HSF2: variants seen among roughly 807,000 people sequenced by gnomAD.
HSF2 encodes heat shock transcription factor 2, also known as heat shock factor protein 2.
HSF2 carries 21 observed loss-of-function variants against 65.0 expected under a neutral mutation model. The ratio of observed to expected loss-of-function variants is 0.32; its 90% CI spans 0.23 to 0.47. The LOEUF (loss-of-function observed/expected upper bound fraction) is 0.47. Ranked by LOEUF, HSF2 falls within the 20% of genes least tolerant of loss-of-function variation. HSF2 has a pLI of 1.00. For synonymous variants in HSF2, 225 were observed against 219.1 expected (o/e 1.03, Z -0.24); for missense variants, 499 against 628.1 (o/e 0.79, Z 2.20).
intron 11 of HSF2, among the ~76,000 whole-genome samples, chr6:122,430,500 T>G (rs1774438112): frequency 1.3e-5 from 2 of 152,164 alleles, no homozygotes; most frequent in South Asian, 4.1e-4. Flanking sequence ...GTTTATATAT[T>G]TATTGTGAAT....
chr6:122,405,281 AG>A (rs2114420906), intron 1 of HSF2, among the ~76,000 whole-genome samples: 1 of 151,824 alleles, frequency 6.6e-6, no homozygotes, highest in South Asian at 2.1e-4. Flanking sequence ...AAAAAGTAAA[AG>A]CAAGCAAAAC....
At chr6:122,399,552 C>T (rs994807264), upstream of HSF2, 3 of 564,262 alleles carry the variant, frequency 5.3e-6, no homozygotes, top group Non-Finnish European at 9.3e-6. Context: ...AGCGCGGAGA[C>T]TTGTCCGTCA....
At chr6:122,404,893 A>T (rs1285560246) in intron 1 of HSF2, among the ~76,000 whole-genome samples, 1 of 152,232 alleles carries the variant, frequency 6.6e-6, no homozygotes, top group African/African-American at 2.4e-5. Context: ...TGTGAGAGAG[A>T]GTGAGCACAG....
chr6:122,420,088 T>C, intron 6 of HSF2, 47 bp from the exon 7 acceptor site: 1 of 1,548,272 alleles, frequency 6.5e-7, no homozygotes, highest in Non-Finnish European at 8.7e-7. Context: ...GAGTTTAAAT[T>C]CATTGTATGT....
intron 1 of HSF2, among the ~76,000 whole-genome samples, chr6:122,403,946 A>G (rs1773802182): frequency 6.6e-6 from 1 of 152,240 alleles, no homozygotes; most frequent in Admixed American, 6.5e-5. Flanking sequence ...TTACGAGTTA[A>G]TGAAATGTTA....
rs1774466186 is a variant in HSF2 at position 122,431,459 on chromosome 6, G to T, written c.1260G>T (p.Lys420Asn). 1 of 1,583,298 alleles carries T rather than the reference G, an allele frequency of 6.3e-7. No homozygotes were observed. The highest frequency in any genetic ancestry group is 1.1e-5 in the South Asian group (1 of 87,172). Residue 420 changes from lysine to asparagine, a missense_variant, in exon 12 of 13, where the codon AAG (lysine) becomes AAT (asparagine). Lys to Asn is a moderately conservative substitution (Grantham distance 94). Coordinates refer to ENST00000368455, the MANE Select transcript of HSF2 (RefSeq NM_004506.4). ...AGAATAAAGGATTAGAAACTACCAA[G>T]AACAATGTAGTTCAGCCAGTTTCGG... ...KSENKGLETT[K>N]NNVVQPVSEE... is the part of the protein sequence containing the mutation.
intron 5 of HSF2, among the ~76,000 whole-genome samples, chr6:122,417,468 C>G (rs1774151071): frequency 6.6e-6 from 1 of 151,944 alleles, no homozygotes; most frequent in Admixed American, 6.6e-5. Flanking sequence ...TGAATGCTAA[C>G]ATTCTGTCTG....
intron 5 of HSF2, among the ~76,000 whole-genome samples, chr6:122,418,252 T>C (rs781231860): frequency 1.3e-4 from 20 of 152,186 alleles, no homozygotes; most frequent in Non-Finnish European, 2.9e-4. Flanking sequence ...CTTTAGGAAG[T>C]TGGCAATGTA....
At chr6:122,416,693 TAAATGAC>T (rs539367813) in intron 5 of HSF2, among the ~76,000 whole-genome samples, 12 of 152,226 alleles carry the variant, frequency 7.9e-5, no homozygotes, top group Non-Finnish European at 1.2e-4. Flanking sequence ...TCTCAGAAGA[TAAATGAC>T]AAATATTTTC....
At chr6:122,413,478 A>C (rs535786927) in intron 3 of HSF2, 47 bp from the exon 4 acceptor site, 1 of 1,403,014 alleles carries the variant, frequency 7.1e-7, no homozygotes, top group African/African-American at 1.5e-5. Context: ...AATTACAATC[A>C]TGGGTGTTTA....
At chr6:122,431,835 C>T in intron 12 of HSF2, 90 bp from the exon 13 acceptor site, 1 of 1,098,034 alleles carries the variant, frequency 9.1e-7, no homozygotes, top group South Asian at 1.5e-5. Context: ...TAGTAATTGC[C>T]TATGTGTACA....
At chr6:122,414,241 C>T (rs1318826276) in intron 4 of HSF2, among the ~76,000 whole-genome samples, 1 of 152,152 alleles carries the variant, frequency 6.6e-6, no homozygotes. Flanking sequence ...TGTAACTTGC[C>T]ATACTAATAA....
At chr6:122,418,692 C>T (rs1304613386) in intron 5 of HSF2, among the ~76,000 whole-genome samples, 3 of 151,932 alleles carry the variant, frequency 2.0e-5, no homozygotes, top group Non-Finnish European at 4.4e-5. Context: ...GGCTGGTCTC[C>T]GACTCCTGGG....
chr6:122,399,955 T>A (rs999262867), intron 1 of HSF2, 125 bp downstream of exon 1: 13 of 748,046 alleles, frequency 1.7e-5, no homozygotes, highest in Non-Finnish European at 2.7e-5. Flanking sequence ...GTGCGGGGCC[T>A]TGGCGTTCAG....
At chr6:122,411,773 C>A (rs1328226066) in intron 1 of HSF2, among the ~76,000 whole-genome samples, 3 of 151,736 alleles carry the variant, frequency 2.0e-5, no homozygotes, top group Non-Finnish European at 4.4e-5. Flanking sequence ...TTTCATTGAT[C>A]TATATGTTTG....
chr6:122,409,991 C>A (rs1206063838), intron 1 of HSF2, among the ~76,000 whole-genome samples: 4 of 151,978 alleles, frequency 2.6e-5, no homozygotes, highest in African/African-American at 9.7e-5. Context: ...GCTGGTTCAT[C>A]TGTCCTCTCT....
intron 1 of HSF2, among the ~76,000 whole-genome samples, chr6:122,407,733 T>C (rs935450637): frequency 6.6e-6 from 1 of 152,194 alleles, no homozygotes; most frequent in Non-Finnish European, 1.5e-5. Context: ...TCCAATGATC[T>C]ATATTGCCAC....
At chr6:122,428,047 C>CA (rs1250812957) in intron 11 of HSF2, 91 bp downstream of exon 11, 3 of 717,044 alleles carry the variant, frequency 4.2e-6, no homozygotes, top group Middle Eastern at 2.5e-4. Context: ...CTCCCAGCCA[C>CA]AAAAAGCATT....
chr6:122,429,808 G>A (rs1449380407), intron 11 of HSF2, among the ~76,000 whole-genome samples: 1 of 152,066 alleles, frequency 6.6e-6, no homozygotes. Flanking sequence ...GATGGATTAC[G>A]TTTATTGATA....
Sources: gnomAD v4.1 joint callset for allele counts (sites outside exome capture counted in the v4.1 genomes callset) on GRCh38, gnomAD v4.1.1 for gene constraint, MANE v1.5 for transcripts, NCBI Gene and HGNC (gene_info 2026-07-23, HGNC 2026-07-21) for gene names.